TRABD2B: variants seen among roughly 807,000 people sequenced by gnomAD.
TRABD2B encodes the protein metalloprotease TIKI2.
A neutral mutation model predicts 40.1 loss-of-function variants in TRABD2B; 14 were observed. The observed-to-expected ratio is 0.35, with a 90% CI of 0.23 to 0.55. The LOEUF (loss-of-function observed/expected upper bound fraction) is 0.55. Among genes scored for constraint, TRABD2B ranks in the 20% least tolerant of loss-of-function variants. The probability of loss-of-function intolerance (pLI) is 0.90; values close to 1 mark genes in which losing one functional copy is unlikely to be tolerated. For synonymous variants in TRABD2B, 263 were observed against 277.0 expected (o/e 0.95, Z 0.50); for missense variants, 541 against 648.6 (o/e 0.83, Z 1.80).
chr1:47,841,596 C>G (rs1645397709), intron 2 of TRABD2B, among the ~76,000 whole-genome samples: 1 of 152,042 alleles, frequency 6.6e-6, no homozygotes, highest in Admixed American at 6.6e-5. Context: ...TCTAGAGGAG[C>G]CCACAGCCCG....
intron 2 of TRABD2B, among the ~76,000 whole-genome samples, chr1:47,892,502 G>C (rs1018323810): frequency 6.6e-6 from 1 of 152,216 alleles, no homozygotes; most frequent in African/African-American, 2.4e-5. Flanking sequence ...TTGGGCTGCA[G>C]ATTGAAATGA....
At chr1:47,852,898 G>A (rs1329485727) in intron 2 of TRABD2B, among the ~76,000 whole-genome samples, 1 of 152,034 alleles carries the variant, frequency 6.6e-6, no homozygotes, top group Non-Finnish European at 1.5e-5. Flanking sequence ...AAAACAGGGC[G>A]ATGGTGACTA....
At chr1:47,772,282 C>G (rs913287328) in intron 6 of TRABD2B, among the ~76,000 whole-genome samples, 1 of 152,004 alleles carries the variant, frequency 6.6e-6, no homozygotes, top group Non-Finnish European at 1.5e-5. Context: ...TCTGGCACAG[C>G]AGGGGAAGCT....
intron 2 of TRABD2B, among the ~76,000 whole-genome samples, chr1:47,980,949 C>T (rs181173020): frequency 7.4e-4 from 113 of 152,340 alleles, no homozygotes; most frequent in Non-Finnish European, 1.2e-3. Context: ...TTCAGAAGGG[C>T]TGTCGCCTCT....
chr1:47,862,412 A>C (rs563069495), intron 2 of TRABD2B, among the ~76,000 whole-genome samples: 1 of 152,298 alleles, frequency 6.6e-6, no homozygotes, highest in Non-Finnish European at 1.5e-5. Context: ...ATTAATACAC[A>C]AAAGTCAGTA....
intron 2 of TRABD2B, among the ~76,000 whole-genome samples, chr1:47,936,576 A>C (rs553220539): frequency 2.0e-5 from 3 of 152,266 alleles, no homozygotes; most frequent in African/African-American, 7.2e-5. Context: ...GACAAAGGAA[A>C]AGGCATAAAA....
chr1:47,932,434 G>A (rs1046798797), intron 2 of TRABD2B, among the ~76,000 whole-genome samples: 2 of 152,312 alleles, frequency 1.3e-5, no homozygotes, highest in Middle Eastern at 3.4e-3. Flanking sequence ...ACAGACGTCC[G>A]TGGAGGAGCT....
intron 2 of TRABD2B, among the ~76,000 whole-genome samples, chr1:47,970,353 T>C (rs1645663749): frequency 6.6e-6 from 1 of 152,180 alleles, no homozygotes; most frequent in Non-Finnish European, 1.5e-5. Flanking sequence ...TACCCTTCTA[T>C]AGCTGGGTTT....
chr1:47,958,831 G>A (rs1029978699), intron 2 of TRABD2B, among the ~76,000 whole-genome samples: 1 of 152,084 alleles, frequency 6.6e-6, no homozygotes, highest in Non-Finnish European at 1.5e-5. Flanking sequence ...AGGATATCCA[G>A]GAATTGAACT....
intron 2 of TRABD2B, among the ~76,000 whole-genome samples, chr1:47,942,674 T>C (rs532679775): frequency 1.3e-5 from 2 of 152,326 alleles, no homozygotes; most frequent in Admixed American, 6.5e-5. Context: ...TTTTGCACAT[T>C]TACCAGGTTC....
chr1:47,784,835 T>C (rs1644573682), intron 4 of TRABD2B, among the ~76,000 whole-genome samples: 1 of 152,174 alleles, frequency 6.6e-6, no homozygotes, highest in African/African-American at 2.4e-5. Flanking sequence ...GGGCCTGAGA[T>C]GACACCACCT....
chr1:47,960,767 G>A (rs1465647366), intron 2 of TRABD2B, among the ~76,000 whole-genome samples: 1 of 152,090 alleles, frequency 6.6e-6, no homozygotes, highest in African/African-American at 2.4e-5. Flanking sequence ...AATCAATATC[G>A]TGAAAATGGC....
At chr1:47,908,025 T>C (rs1157204697) in intron 2 of TRABD2B, among the ~76,000 whole-genome samples, 1 of 152,158 alleles carries the variant, frequency 6.6e-6, no homozygotes, top group African/African-American at 2.4e-5. Context: ...AGAAGTGTTC[T>C]CTCCCATGAA....
At chr1:47,918,755 C>A (rs1430281328) in intron 2 of TRABD2B, among the ~76,000 whole-genome samples, 1 of 152,190 alleles carries the variant, frequency 6.6e-6, no homozygotes, top group East Asian at 1.9e-4. Context: ...TGCCTCCATG[C>A]AGACTGGGGA....
chr1:47,947,453 A>G (rs1252055024), intron 2 of TRABD2B, among the ~76,000 whole-genome samples: 1 of 152,204 alleles, frequency 6.6e-6, no homozygotes, highest in Non-Finnish European at 1.5e-5. Flanking sequence ...CATACAATAT[A>G]TAACTCATAC....
At position 47,972,064 on chromosome 1, in the gene TRABD2B, G is replaced by C. The variant is rs111968078; in HGVS notation, c.666+21970C>G. Among the ~76,000 whole-genome samples, 1,274 of 152,240 alleles carry C rather than the reference G, an allele frequency of 8.4e-3. 30 individuals are homozygous for C. Among genetic ancestry groups the C allele is most frequent in the African/African-American group, 0.03 (1,232 of 41,552 alleles). On this transcript the variant is annotated intron_variant, in intron 2 of 6. Coordinates refer to ENST00000606738, the MANE Select transcript of TRABD2B (RefSeq NM_001194986.2). ...CAGGGCCAAGCATGCAACTAACTGA[G>C]ACTTTCTGGCAAAAATAATGCTAAT... is the stretch of plus-strand genomic sequence containing the variant.
intron 2 of TRABD2B, among the ~76,000 whole-genome samples, chr1:47,926,303 T>A (rs535352823): frequency 6.6e-6 from 1 of 152,138 alleles, no homozygotes; most frequent in East Asian, 1.9e-4. Context: ...GGAAGTAAAA[T>A]CTCATACATA....
intron 2 of TRABD2B, among the ~76,000 whole-genome samples, chr1:47,862,127 C>T (rs557532742): frequency 1.3e-5 from 2 of 152,182 alleles, no homozygotes; most frequent in Non-Finnish European, 2.9e-5. Flanking sequence ...AGAAAACCTA[C>T]AGTTAACATC....
intron 6 of TRABD2B, among the ~76,000 whole-genome samples, chr1:47,768,831 G>C (rs1178613311): frequency 2.0e-5 from 3 of 152,182 alleles, no homozygotes; most frequent in Non-Finnish European, 2.9e-5. Context: ...GACATACATT[G>C]CTTGGTGCTA....
Sources: allele counts gnomAD v4.1 joint callset (sites outside exome capture counted in the v4.1 genomes callset), GRCh38; gene constraint gnomAD v4.1.1; transcripts MANE v1.5; gene names NCBI Gene and HGNC (gene_info 2026-07-23, HGNC 2026-07-21).